The following PLA2G4A variants were observed in gnomAD, a reference collection of about 807,000 sequenced individuals.
PLA2G4A encodes cytosolic phospholipase A2.
Under a neutral mutation model 81.9 loss-of-function variants are expected in PLA2G4A, and 40 were observed. That is an observed-to-expected ratio of 0.49 (90% CI 0.38 to 0.64). PLA2G4A has a LOEUF of 0.64. Among genes scored for constraint, PLA2G4A ranks in the 30% least tolerant of loss-of-function variants. The pLI is 0.00. For missense variants in PLA2G4A, 715 were observed against 905.1 expected (o/e 0.79, Z 2.69); for synonymous variants, 302 against 296.9 (o/e 1.02, Z -0.18).
intron 5 of PLA2G4A, among the ~76,000 whole-genome samples, chr1:186,899,982 T>A (rs1245385814): frequency 1.3e-5 from 2 of 151,932 alleles, no homozygotes; most frequent in Non-Finnish European, 2.9e-5. Context: ...AGCTCTTTCT[T>A]AGACTTTGAT....
At chr1:186,977,171 A>G (rs185454046) in intron 15 of PLA2G4A, among the ~76,000 whole-genome samples, 1 of 152,344 alleles carries the variant, frequency 6.6e-6, no homozygotes, top group Admixed American at 6.5e-5. Flanking sequence ...GTACTTTTTA[A>G]CACTTTGGTG....
intron 7 of PLA2G4A, among the ~76,000 whole-genome samples, chr1:186,926,529 TC>T: frequency 6.6e-6 from 1 of 152,330 alleles, no homozygotes; most frequent in Non-Finnish European, 1.5e-5. Context: ...ACTTTCCACA[TC>T]CTTTGTCCCC....
intron 1 of PLA2G4A, among the ~76,000 whole-genome samples, chr1:186,844,876 C>G (rs1227226038): frequency 6.6e-6 from 1 of 152,112 alleles, no homozygotes; most frequent in Non-Finnish European, 1.5e-5. Flanking sequence ...TTAGAAATCT[C>G]TATAGAGGCC....
chr1:186,892,897 T>G, intron 3 of PLA2G4A, 114 bp from the exon 4 acceptor site: 1 of 780,800 alleles, frequency 1.3e-6, no homozygotes, highest in Non-Finnish European at 2.2e-6. Flanking sequence ...CTCAGACATT[T>G]AAATACATCA....
At chr1:186,856,393 CTT>C (rs546355935) in intron 2 of PLA2G4A, among the ~76,000 whole-genome samples, 6 of 134,906 alleles carry the variant, frequency 4.4e-5, no homozygotes, top group Admixed American at 2.2e-4. Flanking sequence ...TTAGTTGTTG[CTT>C]TTTTTTTTTT....
At chr1:186,887,797 G>T (rs986193665) in intron 3 of PLA2G4A, among the ~76,000 whole-genome samples, 1 of 152,154 alleles carries the variant, frequency 6.6e-6, no homozygotes, top group Non-Finnish European at 1.5e-5. Flanking sequence ...GTCAAAGTGG[G>T]CTGCCTTCCT....
At chr1:186,841,891 G>A (rs1651994141) in intron 1 of PLA2G4A, among the ~76,000 whole-genome samples, 1 of 152,056 alleles carries the variant, frequency 6.6e-6, no homozygotes, top group African/African-American at 2.4e-5. Context: ...TTATCCTTGT[G>A]CTTCGTTTAT....
intron 3 of PLA2G4A, among the ~76,000 whole-genome samples, chr1:186,886,812 TGAC>T (rs993778036): frequency 6.6e-6 from 1 of 152,184 alleles, no homozygotes; most frequent in Non-Finnish European, 1.5e-5. Context: ...AATAACTCCT[TGAC>T]AGAAGAACAG....
chr1:186,985,613 C>T (rs1052218817), intron 17 of PLA2G4A, among the ~76,000 whole-genome samples: 24 of 152,068 alleles, frequency 1.6e-4, no homozygotes, highest in African/African-American at 5.6e-4. Flanking sequence ...AAATTTGTTT[C>T]TTATGTGGAA....
chr1:186,860,960 G>A (rs12404877), intron 2 of PLA2G4A, among the ~76,000 whole-genome samples: 26,247 of 152,094 alleles, frequency 0.17, 2,451 homozygotes, highest in Middle Eastern at 0.28. Context: ...CTGATTAATG[G>A]ATGGGTTTAT....
intron 5 of PLA2G4A, among the ~76,000 whole-genome samples, chr1:186,902,834 G>A (rs562855750): frequency 3.1e-4 from 46 of 148,052 alleles, no homozygotes; most frequent in African/African-American, 1.1e-3. Context: ...CTCCTTTTTC[G>A]GACTCAGTCC....
intron 2 of PLA2G4A, among the ~76,000 whole-genome samples, chr1:186,870,052 A>G (rs894549959): frequency 6.6e-6 from 1 of 152,240 alleles, no homozygotes; most frequent in Non-Finnish European, 1.5e-5. Context: ...TTCAGTGAAC[A>G]GCAACAACAA....
intron 5 of PLA2G4A, among the ~76,000 whole-genome samples, chr1:186,896,564 T>C (rs1170512840): frequency 6.6e-6 from 1 of 152,218 alleles, no homozygotes; most frequent in East Asian, 1.9e-4. Context: ...GAAATCATTT[T>C]TCTTTTCTTT....
intron 17 of PLA2G4A, among the ~76,000 whole-genome samples, chr1:186,980,396 A>T (rs1657683281): frequency 6.6e-6 from 1 of 152,208 alleles, no homozygotes; most frequent in African/African-American, 2.4e-5. Context: ...ATATAGGAAC[A>T]CTATTCTGTA....
At chr1:186,871,477 G>A (rs868612398) in intron 3 of PLA2G4A, among the ~76,000 whole-genome samples, 8 of 152,046 alleles carry the variant, frequency 5.3e-5, no homozygotes, top group African/African-American at 1.4e-4. Context: ...GCAATGTATC[G>A]TCCAGGAAAC....
chr1:186,935,006 C>G (rs897640857), intron 8 of PLA2G4A, among the ~76,000 whole-genome samples: 2 of 151,700 alleles, frequency 1.3e-5, no homozygotes, highest in African/African-American at 4.8e-5. Context: ...ATTCATGGAA[C>G]CCTGTAACAC....
At chr1:186,892,536 A>G (rs1030973619) in intron 3 of PLA2G4A, among the ~76,000 whole-genome samples, 1 of 152,180 alleles carries the variant, frequency 6.6e-6, no homozygotes, top group African/African-American at 2.4e-5. Context: ...TCCCAGCACC[A>G]TTTATTGAAG....
chr1:186,879,467 T>C (rs1653646066), intron 3 of PLA2G4A, among the ~76,000 whole-genome samples: 1 of 151,934 alleles, frequency 6.6e-6, no homozygotes, highest in Admixed American at 6.6e-5. Flanking sequence ...GAGTGTGTAA[T>C]TTATAACAAA....
chr1:186,893,324 G>A (rs949608588), intron 4 of PLA2G4A, among the ~76,000 whole-genome samples, 165 bp downstream of exon 4: 1 of 152,150 alleles, frequency 6.6e-6, no homozygotes, highest in Non-Finnish European at 1.5e-5. Context: ...TAATATGAGT[G>A]TCTATCAGGA....
Sources: allele counts gnomAD v4.1 joint callset (sites outside exome capture counted in the v4.1 genomes callset), GRCh38; gene constraint gnomAD v4.1.1; transcripts MANE v1.5; gene names NCBI Gene and HGNC (gene_info 2026-07-23, HGNC 2026-07-21).